The following PRIM2 variants were observed in gnomAD, a reference collection of about 807,000 sequenced individuals.
PRIM2 encodes the protein DNA primase subunit 2.
A neutral mutation model predicts 67.3 loss-of-function variants in PRIM2; 39 were observed. The ratio of observed to expected loss-of-function variants is 0.58; its 90% CI spans 0.45 to 0.76. The LOEUF (loss-of-function observed/expected upper bound fraction) is 0.76, where lower values mean the gene tolerates loss of function less well. Ranked by LOEUF, PRIM2 falls within the 30% of genes least tolerant of loss-of-function variation. The pLI, the probability that PRIM2 is intolerant of heterozygous loss-of-function variation, is 0.00. For synonymous variants in PRIM2, 143 were observed against 198.7 expected, an observed-to-expected ratio of 0.72 and a Z score of 2.36; for missense variants, 398 against 598.7, an observed-to-expected ratio of 0.66 and a Z score of 3.50.
chr6:57,464,448 TTA>T (rs1773120513), intron 7 of PRIM2, among the ~76,000 whole-genome samples: 1 of 152,060 alleles, frequency 6.6e-6, no homozygotes, highest in African/African-American at 2.4e-5. Context: ...TGGCTAATTT[TTA>T]TGTTTTCAGT....
intron 8 of PRIM2, 82 bp downstream of exon 8, chr6:57,507,536 C>T (rs1554347325): frequency 2.1e-6 from 3 of 1,407,352 alleles, no homozygotes; most frequent in Admixed American, 2.7e-5. Flanking sequence ...GGTGAAACCC[C>T]TTCAATTACT....
chr6:57,360,809 T>G (rs1427616407), intron 5 of PRIM2, among the ~76,000 whole-genome samples: 1 of 152,240 alleles, frequency 6.6e-6, no homozygotes, highest in Non-Finnish European at 1.5e-5. Context: ...ATTTTGCCCT[T>G]TTTTTGATAA....
intron 7 of PRIM2, among the ~76,000 whole-genome samples, chr6:57,470,774 A>G (rs1248751589): frequency 0.47 from 70,944 of 151,668 alleles, 17,180 homozygotes; most frequent in East Asian, 0.66. Flanking sequence ...TACATCTTGT[A>G]TTTTCATTTT....
chr6:57,453,492 G>T (rs1456226058), intron 7 of PRIM2, among the ~76,000 whole-genome samples: 2 of 152,048 alleles, frequency 1.3e-5, no homozygotes, highest in Admixed American at 1.3e-4. Context: ...TCCTTGAAGA[G>T]GTCCTTCACA....
the PRIM2 span, among the ~76,000 whole-genome samples, chr6:57,279,455 C>T: frequency 1.3e-5 from 2 of 149,658 alleles, no homozygotes; most frequent in African/African-American, 2.5e-5. Context: ...TGTGTGGATC[C>T]GTCAATGCAG....
chr6:57,454,086 C>T (rs1464797632), intron 7 of PRIM2, among the ~76,000 whole-genome samples: 25 of 152,194 alleles, frequency 1.6e-4, no homozygotes, highest in African/African-American at 5.5e-4. Context: ...TGTTGGATTA[C>T]GTTTATTGAT....
chr6:57,238,259 C>CATT, the PRIM2 span, among the ~76,000 whole-genome samples: 7 of 152,234 alleles, frequency 4.6e-5, no homozygotes, highest in African/African-American at 1.2e-4. Context: ...ACAGAATATA[C>CATT]ATTCTTCTCA....
At chr6:57,375,534 T>A (rs1769733108) in intron 5 of PRIM2, among the ~76,000 whole-genome samples, 1 of 152,182 alleles carries the variant, frequency 6.6e-6, no homozygotes, top group Non-Finnish European at 1.5e-5. Context: ...TTTTCCTTTT[T>A]TTTGTTGTAT....
At chr6:57,412,405 C>A (rs1402407893) in intron 7 of PRIM2, among the ~76,000 whole-genome samples, 1 of 152,084 alleles carries the variant, frequency 6.6e-6, no homozygotes, top group Non-Finnish European at 1.5e-5. Flanking sequence ...GTGATGAGCA[C>A]TTCCTATGTA....
chr6:57,525,902 G>A (rs1261791753), intron 8 of PRIM2, among the ~76,000 whole-genome samples: 1 of 152,118 alleles, frequency 6.6e-6, no homozygotes, highest in Non-Finnish European at 1.5e-5. Flanking sequence ...AGAGATAGGG[G>A]GGTTGTACAG....
At chr6:57,545,110 A>C (rs1775258410) in intron 10 of PRIM2, among the ~76,000 whole-genome samples, 1 of 152,092 alleles carries the variant, frequency 6.6e-6, no homozygotes, top group African/African-American at 2.4e-5. Flanking sequence ...ATCATTTGGG[A>C]ATATGTTAGA....
chr6:57,625,600 A>G (rs1397943866), intron 12 of PRIM2, among the ~76,000 whole-genome samples: 1 of 152,176 alleles, frequency 6.6e-6, no homozygotes, highest in Non-Finnish European at 1.5e-5. Flanking sequence ...TCTTGTGGCA[A>G]TGTGGCAGCT....
intron 10 of PRIM2, among the ~76,000 whole-genome samples, chr6:57,551,154 G>T (rs1302950121): frequency 0.13 from 20,106 of 152,072 alleles, 2,001 homozygotes; most frequent in African/African-American, 0.28. Flanking sequence ...TTTTGCACCT[G>T]CCTGTGTGCA....
chr6:57,262,538 T>C, the PRIM2 span, among the ~76,000 whole-genome samples: 1 of 152,092 alleles, frequency 6.6e-6, no homozygotes, highest in East Asian at 1.9e-4. Context: ...GCAGGGCCAC[T>C]TGCTGAGGCT....
chr6:57,291,515 G>A, the PRIM2 span, among the ~76,000 whole-genome samples: 3 of 152,138 alleles, frequency 2.0e-5, no homozygotes, highest in South Asian at 6.2e-4. Context: ...GCATCATCCT[G>A]ATACCAAAGC....
At chr6:57,477,285 T>C (rs1470069956) in intron 7 of PRIM2, among the ~76,000 whole-genome samples, 21 of 152,234 alleles carry the variant, frequency 1.4e-4, no homozygotes, top group Admixed American at 9.2e-4. Context: ...GAGCTACTAC[T>C]GTGCCTGGCC....
At chr6:57,505,858 G>A (rs1418707972) in intron 7 of PRIM2, among the ~76,000 whole-genome samples, 1 of 152,068 alleles carries the variant, frequency 6.6e-6, no homozygotes, top group African/African-American at 2.4e-5. Context: ...AGAAGTGACT[G>A]AAAAAGCCCA....
chr6:57,382,244 G>A, intron 7 of PRIM2, 76 bp downstream of exon 7: 4 of 1,455,854 alleles, frequency 2.7e-6, no homozygotes, highest in Non-Finnish European at 2.8e-6. Context: ...TTTATTCTGT[G>A]TTTCTCTAGG....
the PRIM2 span, among the ~76,000 whole-genome samples, chr6:57,253,891 C>T: frequency 6.6e-6 from 1 of 152,094 alleles, no homozygotes; most frequent in African/African-American, 2.4e-5. Context: ...CTTAATGCTC[C>T]TTCTAGTTTT....
Sources: gnomAD v4.1 joint callset for allele counts (sites outside exome capture counted in the v4.1 genomes callset) on GRCh38, gnomAD v4.1.1 for gene constraint, MANE v1.5 for transcripts, NCBI Gene and HGNC (gene_info 2026-07-23, HGNC 2026-07-21) for gene names.